The following SLFN14 variants were observed in gnomAD, a reference collection of about 807,000 sequenced individuals.
SLFN14 encodes protein SLFN14.
Under a neutral mutation model 58.6 loss-of-function variants are expected in SLFN14, and 47 were observed. That is an observed-to-expected ratio of 0.80 (90% CI 0.64 to 1.02). The LOEUF (loss-of-function observed/expected upper bound fraction) is 1.02. SLFN14 is among the 50% of genes least tolerant of loss of function. The probability of loss-of-function intolerance (pLI) is 0.00; values close to 1 mark genes in which losing one functional copy is unlikely to be tolerated. For synonymous variants in SLFN14, 390 were observed against 387.3 expected (o/e 1.01, Z -0.08); for missense variants, 967 against 1,078.4 (o/e 0.90, Z 1.45).
At chr17:35,550,650 C>T (rs934399201) in intron 5 of SLFN14, among the ~76,000 whole-genome samples, 2 of 152,182 alleles carry the variant, frequency 1.3e-5, no homozygotes, top group Non-Finnish European at 2.9e-5. Context: ...GTTTTCTCCT[C>T]TAACACTAAA....
chr17:35,556,947 G>T, intron 3 of SLFN14, 56 bp downstream of exon 3: 1 of 1,432,418 alleles, frequency 7.0e-7, no homozygotes, highest in Non-Finnish European at 9.3e-7. Context: ...ACCCACAAAA[G>T]GCAGAGAAAG....
intron 3 of SLFN14, 46 bp from the exon 4 acceptor site, chr17:35,554,750 T>TAAAA (rs10578465): frequency 2.9e-6 from 3 of 1,045,500 alleles, no homozygotes; most frequent in South Asian, 3.2e-5. Flanking sequence ...AATAAAAAGT[T>TAAAA]AAAAAAAAAA....
chr17:35,548,146 T>G lies in SLFN14; in HGVS notation c.*93A>C. 1 of 1,236,024 alleles carries G rather than the reference T, an allele frequency of 8.1e-7. No individual in the cohort carries two copies. The highest frequency in any genetic ancestry group is 1.5e-5 in the South Asian group (1 of 65,268). 76.6% of individuals were successfully genotyped at this position (1,236,024 alleles called of 1,614,324 possible). ...CAGGCCATACTGATGTGCCTTGATT[T>G]CCTCACTTGTAATATTAAAATGGAG... On this transcript the variant is annotated 3_prime_UTR_variant, in exon 6 of 6. Transcript: ENST00000674182.
chr17:35,557,730 T>C lies in SLFN14; in HGVS notation c.333A>G (p.Ser111=), dbSNP rs769615065. 4.5e-6 allele frequency: 7 copies of C among 1,551,726 alleles called. No homozygotes were observed. Among genetic ancestry groups the C allele is most frequent in the Non-Finnish European group, 6.1e-6 (7 of 1,146,984 alleles). The part of the protein sequence containing the change: ...QGHNLLIFVK[S]WSPDVFSLPL... ...GAAGGCTGAAAACATCTGGGCTCCATGACTTCACAAAAATCAGGAGATTGT... is the reference window on the plus strand; with the variant it reads ...GAAGGCTGAAAACATCTGGGCTCCACGACTTCACAAAAATCAGGAGATTGT... Residue 111 remains serine, a synonymous_variant, in exon 3 of 6, where the codon TCA becomes TCG. Transcript: ENST00000674182.
At chr17:35,559,699 G>A (rs1468224343) in intron 2 of SLFN14, among the ~76,000 whole-genome samples, 28 bp downstream of exon 2, 2 of 152,070 alleles carry the variant, frequency 1.3e-5, no homozygotes, top group Non-Finnish European at 2.9e-5. Flanking sequence ...TGCAAAGCAG[G>A]GGCCCTGTGG....
rs1287139250 is a variant in SLFN14, at chr17:35,557,695, A to T, written c.368T>A (p.Ile123Asn). 6.4e-7 allele frequency: 1 copy of T among 1,551,730 alleles called. No homozygotes were observed. The highest frequency in any genetic ancestry group is 2.4e-5 in the East Asian group (1 of 40,928). Residue 123 changes from isoleucine (I) to asparagine (N), a missense_variant, in exon 3 of 6, where the codon ATT becomes AAT. Transcript: ENST00000674182. Reference protein sequence around the residue: ...SPDVFSLPLRICSLRSNLYRR... With the variant: ...SPDVFSLPLRNCSLRSNLYRR... ...ATACAAATTGGAGCGCAAGCTGCAA[A>T]TCCTTAGTGGAAGGCTGAAAACATC...
At position 35,548,667 on chromosome 17, in the gene SLFN14, C is replaced by T. The variant is rs2072555509; in HGVS notation, c.2311G>A (p.Glu771Lys). Residue 771 changes from glutamate to lysine, a missense_variant, in exon 6 of 6, where the codon GAG (glutamate) becomes AAG (lysine). By Grantham distance (56) the Glu-to-Lys change is moderately conservative (BLOSUM62 1). Transcript: ENST00000674182. ...AGAGCCTGGGCACACGTTGCTTCCT[C>T]ATAGGCAGTCTCGCTGAACAATGCT... ...TLALFSETAY[E>K]EATCAQALPG... 3 of 1,551,642 alleles carry T rather than the reference C, an allele frequency of 1.9e-6. No homozygotes were observed. Among genetic ancestry groups the T allele is most frequent in the Non-Finnish European group, 8.7e-7 (1 of 1,147,012 alleles).
At chr17:35,549,265 T>C (rs34054049) in intron 5 of SLFN14, among the ~76,000 whole-genome samples, 192 bp from the exon 6 acceptor site, 26,658 of 152,144 alleles carry the variant, frequency 0.18, 2,996 homozygotes, top group East Asian at 0.33. Flanking sequence ...TACACCTTGC[T>C]CTTTGGGGTT....
Position 35,544,819 on chromosome 17 carries a change from C to T in SLFN14, c.*3420G>A, listed in dbSNP as rs192568086. ...CTAGGATTACCAGCATGAGCCCCTGCGCCCAGCCTGATTTAAGAACTTTTA... is the reference window on the plus strand; with the variant it reads ...CTAGGATTACCAGCATGAGCCCCTGTGCCCAGCCTGATTTAAGAACTTTTA... On this transcript the variant is annotated 3_prime_UTR_variant, in exon 6 of 6. Coordinates refer to ENST00000674182, the MANE Select transcript of SLFN14 (RefSeq NM_001129820.2). 3.3e-3 allele frequency among the ~76,000 whole-genome samples: 500 copies of T among 152,166 alleles called. 2 individuals carry two copies. Among genetic ancestry groups the T allele is most frequent in the Non-Finnish European group, 3.4e-3 (231 of 67,992 alleles).
At position 35,553,060 on chromosome 17, in the gene SLFN14, A is replaced by G; in HGVS notation, c.1574T>C (p.Ile525Thr). The G allele has an allele frequency of 6.4e-7, 1 of 1,551,530 alleles. No homozygotes were observed. The highest frequency in any genetic ancestry group is 1.4e-5 in the African/African-American group (1 of 73,106). The change falls in exon 5 of 6, where the codon ATC becomes ACC. Residue 525 changes from isoleucine to threonine, a missense_variant. Physicochemically the swap from Ile to Thr is moderately conservative, Grantham distance 89. Transcript: ENST00000674182. The stretch of plus-strand genomic sequence containing the variant: ...GTAGGACCTGGGGTAACGCAGGGGG[A>G]TCTCACCAGGTCTACTCTGTGTGCT... The part of the protein sequence containing the change: ...LSSTQSRPGE[I>T]PLRYPRSYRL...
In SLFN14 at chr17:35,552,965, A is replaced by G; in HGVS notation, c.1669T>C (p.Ser557Pro). 6.4e-7 allele frequency: 1 copy of G among 1,551,554 alleles called. No individual in the cohort carries two copies. Among genetic ancestry groups the G allele is most frequent in the Non-Finnish European group, 8.7e-7 (1 of 1,146,976 alleles). ...CAGCCCATCTGGTCACTCAGAAGAG[A>G]TCTGGAGGACAGGGAGACCACCACC... ...ALVVVSLSSR[S>P]LLSDQMGCEF... The change falls in exon 5 of 6, where the codon TCT becomes CCT. Residue 557 changes from serine (S) to proline (P), a missense_variant. Ser to Pro is a moderately conservative substitution (Grantham distance 74, BLOSUM62 -1). Transcript: ENST00000674182.
chr17:35,544,246 G>A lies in SLFN14; in HGVS notation c.*3993C>T, dbSNP rs2072519064. ...GAACTACTAACATTCCAAGTCACAT[G>A]ACCAAGGCCACATTACAGGGGTGGA... On this transcript the variant is annotated 3_prime_UTR_variant, in exon 6 of 6. Coordinates refer to ENST00000674182, the MANE Select transcript of SLFN14 (RefSeq NM_001129820.2). Among the ~76,000 whole-genome samples, 1 of 152,158 alleles carries A rather than the reference G, an allele frequency of 6.6e-6. No homozygotes were observed. Among genetic ancestry groups the A allele is most frequent in the South Asian group, 2.1e-4 (1 of 4,828 alleles).
rs1597912001 is a variant in SLFN14 at position 35,557,835 on chromosome 17, C to G, written c.228G>C (p.Leu76=). 1.3e-6 allele frequency: 2 copies of G among 1,551,726 alleles called. No individual in the cohort carries two copies. Among genetic ancestry groups the G allele is most frequent in the Non-Finnish European group, 1.7e-6 (2 of 1,147,002 alleles). Residue 76 remains leucine (L), a synonymous_variant, in exon 3 of 6, where the codon CTG becomes CTC. Transcript: ENST00000674182. ...DKTYSYQCHG[L]GQDLETSFQK... Reference sequence around the variant, plus strand: ...GAAAAGAAGTTTCCAAATCCTGTCCCAGCCCATGGCATTGGTAACTATAGG... The same window carrying G: ...GAAAAGAAGTTTCCAAATCCTGTCCGAGCCCATGGCATTGGTAACTATAGG...
At chr17:35,552,336 A>G (rs998052644) in intron 5 of SLFN14, among the ~76,000 whole-genome samples, 4 of 152,144 alleles carry the variant, frequency 2.6e-5, no homozygotes, top group Admixed American at 6.6e-5. Flanking sequence ...GAAGGTGACC[A>G]CTTCCACCTT....
chr17:35,558,462 T>G (rs1220457403), intron 2 of SLFN14, among the ~76,000 whole-genome samples: 1 of 151,890 alleles, frequency 6.6e-6, no homozygotes, highest in East Asian at 1.9e-4. Flanking sequence ...CTTGCTATTT[T>G]TTTTTTTTAA....
chr17:35,553,264 T>C lies in SLFN14; in HGVS notation c.1370A>G (p.Asp457Gly). 6.4e-7 allele frequency: 1 copy of C among 1,551,640 alleles called. No individual in the cohort carries two copies. The highest frequency in any genetic ancestry group is 8.7e-7 in the Non-Finnish European group (1 of 1,146,964). ...GFRKEQNVLC[D>G]ALLIAVNSPV... ...GCTGTTAACTGCTATCAGGAGAGCA[T>C]CACACAGGACATTCTGTTCTTTCCT... The change falls in exon 5 of 6, where the codon GAT becomes GGT. Residue 457 changes from aspartate to glycine, a missense_variant. By Grantham distance (94) the Asp-to-Gly change is moderately conservative. Coordinates refer to ENST00000674182, the MANE Select transcript of SLFN14 (RefSeq NM_001129820.2).
At chr17:35,560,605 G>A (rs766471964) in intron 1 of SLFN14, among the ~76,000 whole-genome samples, 162 bp downstream of exon 1, 3 of 152,170 alleles carry the variant, frequency 2.0e-5, no homozygotes, top group Non-Finnish European at 2.9e-5. Flanking sequence ...TGGGATTATA[G>A]GGACGGGCCA....
intron 5 of SLFN14, among the ~76,000 whole-genome samples, chr17:35,549,378 A>C (rs906410391): frequency 6.6e-5 from 10 of 152,238 alleles, no homozygotes; most frequent in Admixed American, 6.5e-5. Context: ...TCCTGAAGAC[A>C]AGTTCATTAC....
rs1441695184 is a variant in SLFN14, at chr17:35,554,591, G to C, written c.1174C>G (p.Arg392Gly). Residue 392 changes from arginine to glycine, a missense_variant, in exon 4 of 6, where the codon CGA (arginine) becomes GGA (glycine). Transcript: ENST00000674182. The part of the protein sequence containing the change: ...KVHKFKEALQ[R>G]HLFPVTQEEV... ...GAGGGAATACCTGGAAACAAATGTC[G>C]TTGCAGAGCCTCCTTAAATTTGTGG... 1.3e-6 allele frequency: 2 copies of C among 1,527,392 alleles called. No individual in the cohort carries two copies. Among genetic ancestry groups the C allele is most frequent in the Non-Finnish European group, 1.8e-6 (2 of 1,136,860 alleles). 94.6% of individuals were successfully genotyped at this position (1,527,392 alleles called of 1,614,324 possible).
Sources: gnomAD v4.1 joint callset for allele counts (sites outside exome capture counted in the v4.1 genomes callset) on GRCh38, gnomAD v4.1.1 for gene constraint, MANE v1.5 for transcripts, NCBI Gene and HGNC (gene_info 2026-07-23, HGNC 2026-07-21) for gene names.